The following ARAP1 variants were observed in gnomAD, a reference collection of about 807,000 sequenced individuals.
ARAP1 encodes ArfGAP with RhoGAP domain, ankyrin repeat and PH domain 1.
ARAP1 carries 76 observed loss-of-function variants against 172.2 expected under a neutral mutation model. The ratio of observed to expected loss-of-function variants is 0.44; its 90% confidence interval spans 0.37 to 0.53. ARAP1 has a LOEUF of 0.53. Among genes scored for constraint, ARAP1 ranks in the 20% least tolerant of loss-of-function variants. The pLI, the probability that ARAP1 is intolerant of heterozygous loss-of-function variation, is 0.00. For synonymous variants in ARAP1, 804 were observed against 803.3 expected, an observed-to-expected ratio of 1.00 and a Z score of -0.01; for missense variants, 1,686 against 1,977.5, an observed-to-expected ratio of 0.85 and a Z score of 2.80.
chr11:72,694,622 G>A (rs1444937748), intron 27 of ARAP1, among the ~76,000 whole-genome samples: 1 of 152,118 alleles, frequency 6.6e-6, no homozygotes, highest in Non-Finnish European at 1.5e-5. Flanking sequence ...CACGAGGATA[G>A]GGACTGTGTG....
intron 7 of ARAP1, among the ~76,000 whole-genome samples, 199 bp from the exon 8 acceptor site, chr11:72,711,698 T>TG (rs1857018259): frequency 6.8e-6 from 1 of 147,752 alleles, no homozygotes; most frequent in African/African-American, 2.5e-5. Flanking sequence ...ACATCTCTTT[T>TG]TTTTTTTTTT....
chr11:72,750,631 G>A (rs1055959769), intron 1 of ARAP1, among the ~76,000 whole-genome samples: 4 of 152,140 alleles, frequency 2.6e-5, no homozygotes, highest in Admixed American at 1.3e-4. Context: ...CCCCAGCACC[G>A]TCTCTCTTTG....
At position 72,713,229 on chromosome 11, in the gene ARAP1, C is replaced by A; in HGVS notation, c.694G>T (p.Asp232Tyr). The change falls in exon 5 of 35, where the codon GAT (aspartate) becomes TAT (tyrosine). Residue 232 changes from aspartate to tyrosine, a missense_variant. By Grantham distance (160) the Asp-to-Tyr change is radical. Around this residue, in one of 5 missense-constraint regions of ARAP1, gnomAD observed 155 missense variants for 129.2 expected, o/e 1.20. Transcript: ENST00000393609. ...CCCGGCCCCTCCTCTGGGACCTCAT[C>A]GTAGTCAGAGTCATCTGGTGAGAGA... is the stretch of plus-strand genomic sequence containing the variant. ...LFPEFDDSDYDEVPEEGPGAP... is the reference protein window; with the variant it reads ...LFPEFDDSDYYEVPEEGPGAP... 2 of 1,613,474 alleles carry A rather than the reference C, an allele frequency of 1.2e-6. No homozygotes were observed. Among genetic ancestry groups the A allele is most frequent in the Non-Finnish European group, 1.7e-6 (2 of 1,179,708 alleles).
Position 72,705,887 on chromosome 11 carries a change from T to A in ARAP1, c.1727A>T (p.Glu576Val). ...CVVICKRCAGEHRGLGAGVSK... is the reference protein window; with the variant it reads ...CVVICKRCAGVHRGLGAGVSK... ...GACGCCAGCGCCCAGGCCACGGTGC[T>A]CCCCTGTAGACACAGGGCCAGACCC... The change falls in exon 13 of 35, where the codon GAG becomes GTG. Residue 576 changes from glutamate to valine, a missense_variant. Transcript: ENST00000393609. 1 of 1,613,856 alleles carries A rather than the reference T, an allele frequency of 6.2e-7. No homozygotes were observed. The highest frequency in any genetic ancestry group is 8.5e-7 in the Non-Finnish European group (1 of 1,179,868).
At chr11:72,720,691 T>G (rs903336563) in intron 3 of ARAP1, among the ~76,000 whole-genome samples, 5 of 152,192 alleles carry the variant, frequency 3.3e-5, no homozygotes, top group Non-Finnish European at 7.3e-5. Context: ...CTCTCAGCAC[T>G]TCTCCCTGGG....
At chr11:72,694,195 C>T (rs1052612320) in intron 27 of ARAP1, among the ~76,000 whole-genome samples, 3 of 151,828 alleles carry the variant, frequency 2.0e-5, no homozygotes, top group African/African-American at 7.3e-5. Flanking sequence ...ACTGCTGCCA[C>T]CCCAGCCCAC....
chr11:72,688,810 C>A (rs994652542), intron 30 of ARAP1: 3 of 420,418 alleles, frequency 7.1e-6, no homozygotes, highest in East Asian at 4.6e-5. Flanking sequence ...ACTGGGACAT[C>A]TGTAACAGCG....
intron 1 of ARAP1, among the ~76,000 whole-genome samples, chr11:72,740,995 A>G (rs1240555511): frequency 6.6e-6 from 1 of 152,092 alleles, no homozygotes; most frequent in East Asian, 1.9e-4. Context: ...CTCACTTGCA[A>G]ATAAATGAAG....
chr11:72,688,659 C>T, intron 30 of ARAP1, 122 bp from the exon 31 acceptor site: 1 of 799,390 alleles, frequency 1.3e-6, no homozygotes, highest in Non-Finnish European at 2.0e-6. Flanking sequence ...GCACAGGGCG[C>T]CTCCTCCAAG....
At chr11:72,749,650 G>C (rs1010377337) in intron 1 of ARAP1, among the ~76,000 whole-genome samples, 2 of 152,086 alleles carry the variant, frequency 1.3e-5, no homozygotes, top group Non-Finnish European at 2.9e-5. Context: ...TTGGGAGGCT[G>C]AGGCGGGCAG....
intron 15 of ARAP1, 84 bp downstream of exon 15, chr11:72,702,821 G>A: frequency 3.4e-6 from 5 of 1,484,168 alleles, no homozygotes; most frequent in Admixed American, 2.2e-5. Context: ...GAGGAGCTGC[G>A]ATCACGGCCT....
At chr11:72,734,194 T>A (rs1311226077) in intron 1 of ARAP1, among the ~76,000 whole-genome samples, 1 of 151,950 alleles carries the variant, frequency 6.6e-6, no homozygotes, top group Non-Finnish European at 1.5e-5. Context: ...AATCATAGCT[T>A]ACTGCAACTT....
At chr11:72,736,386 G>T (rs1858026239) in intron 1 of ARAP1, among the ~76,000 whole-genome samples, 1 of 151,708 alleles carries the variant, frequency 6.6e-6, no homozygotes, top group African/African-American at 2.4e-5. Flanking sequence ...GGGACCACAG[G>T]ATCTCATGAC....
Position 72,693,618 on chromosome 11 carries a change from G to A in ARAP1, c.3808+74C>T. ...CCTCTGTCTGAGCTGTTCCTACCTG[G>A]CACCACCAGGTCCCACCCTGGCTCT... On this transcript the variant is annotated intron_variant, in intron 28 of 34. Transcript: ENST00000393609. This position sits in a 1 kb window ranked among gnomAD's most constrained non-coding sequence, Gnocchi z 4.6. The A allele has an allele frequency of 1.3e-6, 2 of 1,532,150 alleles. No homozygotes were observed. The highest frequency in any genetic ancestry group is 1.8e-6 in the Non-Finnish European group (2 of 1,133,060). The allele number at this position is 1,532,150 out of a possible 1,614,324, so 94.9% of individuals were successfully genotyped here. A position where few individuals can be genotyped will look rare whatever the true frequency, so the allele number is the denominator to read the frequency against.
In ARAP1 at chr11:72,687,802, C is replaced by G. The variant is rs368198851; in HGVS notation, c.4071-64G>C. ...GCCATAGAGGCTCAACACCCCAGTTCCCAGGACAGAGCCCAGAAGCCACAG... is the reference window on the plus strand; with the variant it reads ...GCCATAGAGGCTCAACACCCCAGTTGCCAGGACAGAGCCCAGAAGCCACAG... On this transcript the variant is annotated intron_variant, in intron 31 of 34. Coordinates refer to ENST00000393609, the MANE Select transcript of ARAP1 (RefSeq NM_001040118.3). 8.2e-4 allele frequency: 1,302 copies of G among 1,584,704 alleles called. 20 individuals are homozygous for G. The South Asian group carries it at 0.014, about 16-fold the overall frequency.
chr11:72,748,820 T>C (rs1406006200), intron 1 of ARAP1, among the ~76,000 whole-genome samples: 1 of 149,772 alleles, frequency 6.7e-6, no homozygotes, highest in Non-Finnish European at 1.5e-5. Flanking sequence ...TGGCCAGGGG[T>C]AGGGGAAGGT....
Position 72,701,631 on chromosome 11 carries a change from GT to G in ARAP1, c.2302+17del. The G allele has an allele frequency of 6.2e-7, 1 of 1,610,008 alleles. No homozygotes were observed. The highest frequency in any genetic ancestry group is 8.5e-7 in the Non-Finnish European group (1 of 1,178,478). On this transcript the variant is annotated intron_variant, in intron 16 of 34. Coordinates refer to ENST00000393609, the MANE Select transcript of ARAP1 (RefSeq NM_001040118.3). ...ACCAGATGCCATGGGCTAAAGCAGA[GT>G]CTGGGGTGGCACCCACCTTCCCGGG...
chr11:72,738,973 G>T (rs1858121874), intron 1 of ARAP1, among the ~76,000 whole-genome samples: 1 of 152,072 alleles, frequency 6.6e-6, no homozygotes. Flanking sequence ...GGCCTCTTCG[G>T]TCTGCTGCCC....
chr11:72,697,796 G>A (rs1856282037), intron 19 of ARAP1, 115 bp downstream of exon 19: 1 of 1,326,416 alleles, frequency 7.5e-7, no homozygotes, highest in African/African-American at 1.4e-5. Context: ...TGAGAGGGCA[G>A]GATGGCGGCT....
Sources: gnomAD v4.1 joint callset for allele counts (sites outside exome capture counted in the v4.1 genomes callset) on GRCh38, gnomAD v4.1.1 for gene constraint, gnomAD v4.1.1 regional missense constraint, Gnocchi (gnomAD v3.1) non-coding constraint, MANE v1.5 for transcripts, NCBI Gene and HGNC (gene_info 2026-07-23, HGNC 2026-07-21) for gene names.